PLD5: variants seen among roughly 807,000 people sequenced by gnomAD.
The protein encoded by PLD5 is phospholipase D family member 5, also known as inactive phospholipase D5.
A neutral mutation model predicts 61.1 loss-of-function variants in PLD5; 36 were observed. The observed-to-expected ratio is 0.59, with a 90% CI of 0.45 to 0.78. The LOEUF (loss-of-function observed/expected upper bound fraction) is 0.78, where lower values mean the gene tolerates loss of function less well. Ranked by LOEUF, PLD5 falls within the 30% of genes least tolerant of loss-of-function variation. The probability of loss-of-function intolerance (pLI) is 0.00; values close to 1 mark genes in which losing one functional copy is unlikely to be tolerated. For synonymous variants in PLD5, 243 were observed against 242.8 expected (o/e 1.00, Z -0.01); for missense variants, 515 against 644.4 (o/e 0.80, Z 2.17).
rs147321753 is a variant in PLD5 at position 242,510,040 on chromosome 1, A to G, written c.189+14048T>C. Among the ~76,000 whole-genome samples, 492 of 152,252 alleles carry G rather than the reference A, an allele frequency of 3.2e-3. 3 individuals are homozygous for G. The highest frequency in any genetic ancestry group is 0.011 in the African/African-American group (472 of 41,528). On this transcript the variant is annotated intron_variant, in intron 1 of 9. Transcript: ENST00000536534. The stretch of plus-strand genomic sequence containing the variant: ...ACCATACTTCCTTCTCTTCTTATCC[A>G]TCTTTTCTTCGTTCTCATTGGAGAT...
At chr1:242,257,671 TA>T (rs746006304) in intron 4 of PLD5, among the ~76,000 whole-genome samples, 7 of 152,224 alleles carry the variant, frequency 4.6e-5, no homozygotes, top group Non-Finnish European at 8.8e-5. Flanking sequence ...ATGCATTTGT[TA>T]ATTAGCTCAA....
intron 1 of PLD5, among the ~76,000 whole-genome samples, chr1:242,511,128 CA>C (rs1445211765): frequency 6.6e-6 from 1 of 152,164 alleles, no homozygotes; most frequent in African/African-American, 2.4e-5. Flanking sequence ...CCAAGCGACA[CA>C]GGGGCTCACC....
intron 2 of PLD5, among the ~76,000 whole-genome samples, chr1:242,318,202 C>T (rs1460152516): frequency 1.3e-5 from 2 of 152,044 alleles, no homozygotes; most frequent in African/African-American, 2.4e-5. Context: ...GAAGAAAGGG[C>T]GGTGCTCAGA....
intron 9 of PLD5, among the ~76,000 whole-genome samples, chr1:242,096,265 T>A (rs1660217978): frequency 6.6e-6 from 1 of 151,920 alleles, no homozygotes; most frequent in African/African-American, 2.4e-5. Flanking sequence ...GTCAATATTC[T>A]CATATTGGAG....
At chr1:242,274,068 A>C (rs182393673) in intron 3 of PLD5, among the ~76,000 whole-genome samples, 351 of 152,374 alleles carry the variant, frequency 2.3e-3, no homozygotes, top group Non-Finnish European at 3.8e-3. Context: ...TTGTTACAGT[A>C]GCCACAGGAA....
At chr1:242,506,985 C>T (rs1319535655) in intron 1 of PLD5, among the ~76,000 whole-genome samples, 3 of 152,118 alleles carry the variant, frequency 2.0e-5, no homozygotes, top group South Asian at 2.1e-4. Context: ...AGTAGCAGCA[C>T]GTGTCATGCC....
At chr1:242,454,006 A>G (rs1666867254) in intron 1 of PLD5, among the ~76,000 whole-genome samples, 1 of 152,124 alleles carries the variant, frequency 6.6e-6, no homozygotes. Context: ...GACCCTTTAA[A>G]AGAGTCACAT....
At chr1:242,217,082 T>C (rs1016411529) in intron 5 of PLD5, among the ~76,000 whole-genome samples, 1 of 152,238 alleles carries the variant, frequency 6.6e-6, no homozygotes, top group East Asian at 1.9e-4. Flanking sequence ...CCTTTCAAAA[T>C]ATTACTGCTC....
intron 1 of PLD5, among the ~76,000 whole-genome samples, chr1:242,395,450 A>G (rs538062358): frequency 6.6e-6 from 1 of 152,216 alleles, no homozygotes; most frequent in African/African-American, 2.4e-5. Context: ...GCTACTTTCT[A>G]TTTTTCTAGG....
intron 5 of PLD5, among the ~76,000 whole-genome samples, chr1:242,148,960 TAG>T (rs143659341): frequency 1.3e-5 from 2 of 151,458 alleles, no homozygotes; most frequent in African/African-American, 4.8e-5. Flanking sequence ...CATCTGCAAA[TAG>T]AGAGAGTTTT....
chr1:242,180,548 A>G (rs1667454212), intron 5 of PLD5, among the ~76,000 whole-genome samples: 1 of 152,190 alleles, frequency 6.6e-6, no homozygotes, highest in Non-Finnish European at 1.5e-5. Flanking sequence ...GAAGATAACA[A>G]TATTTTTGCT....
chr1:242,433,180 T>C (rs1224451145), intron 1 of PLD5, among the ~76,000 whole-genome samples: 1 of 152,266 alleles, frequency 6.6e-6, no homozygotes, highest in Non-Finnish European at 1.5e-5. Flanking sequence ...ACATAGCTTA[T>C]GTTCAACAAG....
rs149354000 is a variant in PLD5, at chr1:242,522,143, T to C, written c.189+1945A>G. Among the ~76,000 whole-genome samples the C allele has an allele frequency of 8.0e-3, 1,214 of 152,276 alleles. 12 individuals are homozygous for C. The highest frequency in any genetic ancestry group is 0.026 in the African/African-American group (1,096 of 41,542). On this transcript the variant is annotated intron_variant, in intron 1 of 9. Coordinates refer to ENST00000536534, the MANE Select transcript of PLD5 (RefSeq NM_001372062.1). The stretch of plus-strand genomic sequence containing the variant: ...AGAGAAAAACATCAGAATAGATATA[T>C]GCATCTCTCATTAAATGTAGTTGAA...
chr1:242,214,981 A>T (rs1670067346), intron 5 of PLD5, among the ~76,000 whole-genome samples: 1 of 139,152 alleles, frequency 7.2e-6, no homozygotes, highest in Non-Finnish European at 1.5e-5. Flanking sequence ...GGTTCACGCC[A>T]TTCTCCTGAC....
intron 5 of PLD5, among the ~76,000 whole-genome samples, chr1:242,152,927 G>C (rs992905479): frequency 1.6e-4 from 25 of 152,220 alleles, no homozygotes; most frequent in African/African-American, 5.5e-4. Flanking sequence ...TTGAGGAATC[G>C]CCACACTGTC....
chr1:242,165,437 G>T (rs1429024148), intron 5 of PLD5, among the ~76,000 whole-genome samples: 1 of 142,644 alleles, frequency 7.0e-6, no homozygotes, highest in African/African-American at 2.6e-5. Context: ...AATAGGTTGT[G>T]TGTGGCTTTA....
At chr1:242,262,251 G>A (rs1302686136) in intron 4 of PLD5, among the ~76,000 whole-genome samples, 1 of 152,138 alleles carries the variant, frequency 6.6e-6, no homozygotes, top group African/African-American at 2.4e-5. Flanking sequence ...CTCAAAGAAA[G>A]ATAAAGGTAA....
At chr1:242,438,243 G>A (rs1666095513) in intron 1 of PLD5, among the ~76,000 whole-genome samples, 1 of 151,394 alleles carries the variant, frequency 6.6e-6, no homozygotes, top group African/African-American at 2.4e-5. Flanking sequence ...ATGTATGGTT[G>A]CTTGCACATT....
chr1:242,334,305 C>A (rs535570225), intron 2 of PLD5, among the ~76,000 whole-genome samples: 1 of 152,308 alleles, frequency 6.6e-6, no homozygotes, highest in Non-Finnish European at 1.5e-5. Context: ...AAACCTGAAT[C>A]TACACCCAGT....
Sources: gnomAD v4.1 joint callset for allele counts (sites outside exome capture counted in the v4.1 genomes callset) on GRCh38, gnomAD v4.1.1 for gene constraint, MANE v1.5 for transcripts, NCBI Gene and HGNC (gene_info 2026-07-23, HGNC 2026-07-21) for gene names.